The following NEBL variants were observed in gnomAD, a reference collection of about 807,000 sequenced individuals.
NEBL encodes the protein nebulette.
Under a neutral mutation model 140.2 loss-of-function variants are expected in NEBL, and 122 were observed. The observed-to-expected ratio is 0.87, with a 90% CI of 0.75 to 1.01. The LOEUF (loss-of-function observed/expected upper bound fraction) is 1.01. NEBL is among the 50% of genes least tolerant of loss of function. NEBL has a pLI of 0.00. For synonymous variants in NEBL, 436 were observed against 398.9 expected (o/e 1.09, Z -1.11); for missense variants, 1,365 against 1,231.3 (o/e 1.11, Z -1.62).
intron 1 of NEBL, among the ~76,000 whole-genome samples, chr10:21,290,438 C>T (rs1442499974): frequency 6.6e-6 from 1 of 152,170 alleles, no homozygotes; most frequent in Non-Finnish European, 1.5e-5. Context: ...TGCAGAGGTT[C>T]ACTCTGGAAG....
rs534381272 is a variant in NEBL at position 20,918,005 on chromosome 10, A to G, written c.357+43667T>C. ...TAACAGGATCCAAAATGATATATGCATGACACAATGAAAATAGTGGCTGAA... is the reference window on the plus strand; with the variant it reads ...TAACAGGATCCAAAATGATATATGCGTGACACAATGAAAATAGTGGCTGAA... On this transcript the variant is annotated intron_variant, in intron 4 of 6. Transcript: ENST00000417816. 1.1e-4 allele frequency among the ~76,000 whole-genome samples: 16 copies of G among 152,360 alleles called. No homozygotes were observed. In the South Asian group the frequency reaches 3.1e-3, roughly 30 times the overall value.
At chr10:21,091,731 T>A (rs1228539472) in intron 2 of NEBL, among the ~76,000 whole-genome samples, 3 of 152,148 alleles carry the variant, frequency 2.0e-5, no homozygotes, top group African/African-American at 7.2e-5. Flanking sequence ...GCTCAAGGGA[T>A]CCTCCCATTT....
At chr10:21,023,453 G>T (rs1052613587) in intron 2 of NEBL, among the ~76,000 whole-genome samples, 2 of 152,134 alleles carry the variant, frequency 1.3e-5, no homozygotes, top group African/African-American at 4.8e-5. Context: ...CAGCACTTTG[G>T]GAGGACGAGG....
rs1372708308 is a variant in NEBL at position 20,781,090 on chromosome 10, C to T, written c.*4657G>A. On this transcript the variant is annotated 3_prime_UTR_variant, in exon 28 of 28. Transcript: ENST00000377122. The stretch of plus-strand genomic sequence containing the variant: ...GCATAGGTTAGTCCTTTGGGCAGCA[C>T]GATGTTGCTCTAGTCCACCAAGGCT... 1.3e-5 allele frequency: 2 copies of T among 152,452 alleles called. No individual in the cohort carries two copies. Among genetic ancestry groups the T allele is most frequent in the South Asian group, 2.1e-4 (1 of 4,832 alleles). The allele number at this position is 152,452 out of a possible 1,614,324, so 9.4% of individuals were successfully genotyped here.
chr10:20,906,837 A>G (rs1322076402), intron 4 of NEBL, among the ~76,000 whole-genome samples: 2 of 152,150 alleles, frequency 1.3e-5, no homozygotes, highest in African/African-American at 4.8e-5. Flanking sequence ...AACGAACAAA[A>G]CCAACAAAAA....
chr10:21,226,954 C>T (rs1191879784), intron 3 of NEBL, among the ~76,000 whole-genome samples: 1 of 152,080 alleles, frequency 6.6e-6, no homozygotes, highest in African/African-American at 2.4e-5. Context: ...GTCCACCTCC[C>T]CACTACTATT....
chr10:20,817,774 C>A lies in NEBL; in HGVS notation c.2056-82G>T, dbSNP rs553863478. The A allele has an allele frequency of 2.4e-5, 27 of 1,138,322 alleles. No individual in the cohort carries two copies. The South Asian group carries it at 3.3e-4, about 14-fold the overall frequency. The allele number at this position is 1,138,322 out of a possible 1,614,324, so 70.5% of individuals were successfully genotyped here. A position where few individuals can be genotyped will look rare whatever the true frequency, so the allele number is the denominator to read the frequency against. ...CACAAAGGACAAGGCTCAAAATTAG[C>A]ACCATCTTTTTACACATTTTTTTCC... On this transcript the variant is annotated intron_variant, in intron 20 of 27. Transcript: ENST00000377122.
chr10:21,117,882 A>AG (rs147263249), intron 2 of NEBL, among the ~76,000 whole-genome samples: 15,157 of 152,120 alleles, frequency 0.1, 830 homozygotes, highest in Non-Finnish European at 0.13. Context: ...ACCTTACATA[A>AG]GTTATCTAAC....
At chr10:20,871,529 T>G (rs534488949) in intron 5 of NEBL, among the ~76,000 whole-genome samples, 1 of 152,226 alleles carries the variant, frequency 6.6e-6, no homozygotes, top group Non-Finnish European at 1.5e-5. Flanking sequence ...TTTATTTCAA[T>G]GAAACATTTA....
At chr10:20,868,390 C>A (rs578183570) in intron 7 of NEBL, 15 of 395,006 alleles carry the variant, frequency 3.8e-5, no homozygotes, top group East Asian at 3.1e-4. Flanking sequence ...TTCTGGAAAT[C>A]CAGGGAAATG....
chr10:21,123,736 T>C (rs2132050171), intron 2 of NEBL, among the ~76,000 whole-genome samples: 1 of 151,128 alleles, frequency 6.6e-6, no homozygotes, highest in South Asian at 2.1e-4. Flanking sequence ...TATATATATA[T>C]ATATCATCTC....
At chr10:20,934,341 C>G (rs1589035640) in intron 4 of NEBL, among the ~76,000 whole-genome samples, 1 of 152,290 alleles carries the variant, frequency 6.6e-6, no homozygotes, top group South Asian at 2.1e-4. Context: ...TCTGCCTAGT[C>G]TCAAAGGATG....
chr10:20,896,961 G>A lies in NEBL; in HGVS notation c.150C>T (p.Ser50=), dbSNP rs1465019438. Residue 50 remains serine (S), a synonymous_variant, in exon 2 of 28, where the codon AGC becomes AGT. Transcript: ENST00000377122. ...AAAAATTACTCCAGCCACTTACATC[G>A]CTAATGAGTTCCGTGCATTTTCTGG... ...ELARKCTELI[S]DIRYKEEFKK... 8 of 1,613,166 alleles carry A rather than the reference G, an allele frequency of 5.0e-6. No individual in the cohort carries two copies. Among genetic ancestry groups the A allele is most frequent in the Middle Eastern group, 1.7e-4 (1 of 6,060 alleles).
At chr10:21,175,129 G>A (rs371059596), upstream of NEBL, 4 of 152,166 alleles carry the variant, frequency 2.6e-5, no homozygotes, top group East Asian at 1.9e-4. Context: ...CAGGTTATTG[G>A]ACTCACTTGA....
Position 20,850,411 on chromosome 10 carries a change from T to C in NEBL, c.1100A>G (p.Gln367Arg). The change falls in exon 11 of 28, where the codon CAA becomes CGA. Residue 367 changes from glutamine to arginine, a missense_variant. Gln to Arg is a conservative substitution (Grantham distance 43). This residue lies in a region of NEBL where 1,323 missense variants were observed against 1,154.8 expected (regional missense o/e 1.15). Transcript: ENST00000377122. ...TPSYQASKEA[Q>R]KMQSEKVYKE... Reference sequence around the variant, plus strand: ...TTGACCTACTTCACTTTGCATCTTTTGAGCCTCCTTTGAAGCTTGATATGA... The same window carrying C: ...TTGACCTACTTCACTTTGCATCTTTCGAGCCTCCTTTGAAGCTTGATATGA... 6.2e-7 allele frequency: 1 copy of C among 1,606,724 alleles called. No homozygotes were observed. Among genetic ancestry groups the C allele is most frequent in the Non-Finnish European group, 8.5e-7 (1 of 1,173,288 alleles).
intron 4 of NEBL, among the ~76,000 whole-genome samples, chr10:20,887,683 C>T (rs1352430166): frequency 1.3e-5 from 2 of 152,174 alleles, no homozygotes; most frequent in Non-Finnish European, 2.9e-5. Flanking sequence ...TCCTGAAGTA[C>T]TGGGATTACA....
At chr10:20,826,128 T>G (rs1196819571) in intron 18 of NEBL, among the ~76,000 whole-genome samples, 2 of 152,240 alleles carry the variant, frequency 1.3e-5, no homozygotes, top group Non-Finnish European at 1.5e-5. Context: ...GGAGAGGTAC[T>G]GAAATGTATC....
At chr10:21,105,119 G>A (rs114866317) in intron 2 of NEBL, among the ~76,000 whole-genome samples, 5 of 152,136 alleles carry the variant, frequency 3.3e-5, no homozygotes, top group African/African-American at 1.2e-4. Context: ...GAATTTTATT[G>A]GCTAAAAGTC....
chr10:20,840,963 T>A (rs1588751284), intron 12 of NEBL, 114 bp from the exon 13 acceptor site: 1 of 704,152 alleles, frequency 1.4e-6, no homozygotes, highest in African/African-American at 1.8e-5. Context: ...TAGGAAGGAA[T>A]GAATCACACA....
Sources: gnomAD v4.1 joint callset for allele counts (sites outside exome capture counted in the v4.1 genomes callset) on GRCh38, gnomAD v4.1.1 for gene constraint, gnomAD v4.1.1 regional missense constraint, MANE v1.5 for transcripts, NCBI Gene and HGNC (gene_info 2026-07-23, HGNC 2026-07-21) for gene names.